Variants in GRB10 observed in about 807,000 individuals in gnomAD.
GRB10 encodes growth factor receptor-bound protein 10.
GRB10 carries 20 observed loss-of-function variants against 80.9 expected under a neutral mutation model. The ratio of observed to expected loss-of-function variants is 0.25; its 90% CI spans 0.17 to 0.36. The LOEUF is 0.36. Ranked by LOEUF, GRB10 falls within the 10% of genes least tolerant of loss-of-function variation. The pLI, the probability that GRB10 is intolerant of heterozygous loss-of-function variation, is 1.00. For synonymous variants in GRB10, 291 were observed against 291.5 expected (o/e 1.00, Z 0.02); for missense variants, 548 against 747.7 (o/e 0.73, Z 3.12).
intron 2 of GRB10, among the ~76,000 whole-genome samples, chr7:50,776,518 G>A (rs1223420149): frequency 6.6e-6 from 1 of 152,144 alleles, no homozygotes; most frequent in African/African-American, 2.4e-5. Context: ...ATAGTGCCCA[G>A]CCTCTGCTTC....
chr7:50,673,981 A>C (rs2060627704), intron 6 of GRB10, among the ~76,000 whole-genome samples: 1 of 152,112 alleles, frequency 6.6e-6, no homozygotes, highest in Non-Finnish European at 1.5e-5. Flanking sequence ...CTACCCCTGA[A>C]TTAGCAGAGG....
chr7:50,606,481 C>T, intron 13 of GRB10, 67 bp from the exon 14 acceptor site: 1 of 1,140,122 alleles, frequency 8.8e-7, no homozygotes, highest in Non-Finnish European at 1.3e-6. Flanking sequence ...TGACAAACGC[C>T]ACAGCAGGAA....
intron 4 of GRB10, among the ~76,000 whole-genome samples, chr7:50,710,530 T>C (rs546437298): frequency 5.3e-5 from 8 of 152,258 alleles, no homozygotes; most frequent in South Asian, 2.1e-4. Context: ...ATGTTGTTCA[T>C]TGGGCGATTC....
chr7:50,792,721 C>A, intron 1 of GRB10: 1 of 334,106 alleles, frequency 3.0e-6, no homozygotes, highest in Non-Finnish European at 5.4e-6. Context: ...GTCCCGGACG[C>A]CCGGACGCCC....
intron 3 of GRB10, among the ~76,000 whole-genome samples, chr7:50,733,727 G>A (rs537092885): frequency 4.6e-5 from 7 of 152,304 alleles, no homozygotes; most frequent in Non-Finnish European, 7.4e-5. Flanking sequence ...GCCTGTCCTC[G>A]GGGTAGCTGG....
chr7:50,756,200 C>A (rs1252145776), intron 2 of GRB10, 144 bp from the exon 3 acceptor site: 1 of 396,892 alleles, frequency 2.5e-6, no homozygotes, highest in South Asian at 1.4e-4. Flanking sequence ...TTCTGAAGAA[C>A]AAAACAAGGA....
chr7:50,753,695 C>T (rs1562618631), intron 3 of GRB10, among the ~76,000 whole-genome samples: 2 of 152,200 alleles, frequency 1.3e-5, no homozygotes, highest in Admixed American at 6.5e-5. Context: ...GCTCTGTAAG[C>T]TGCCAGTGAT....
At chr7:50,643,047 C>A (rs2056562574) in intron 7 of GRB10, among the ~76,000 whole-genome samples, 1 of 152,134 alleles carries the variant, frequency 6.6e-6, no homozygotes, top group African/African-American at 2.4e-5. Flanking sequence ...CCTTGGACAA[C>A]ACAGGTTTGA....
At chr7:50,693,376 ACTAGAAAGGAAAG>A (rs1226140705) in intron 5 of GRB10, among the ~76,000 whole-genome samples, 1 of 152,184 alleles carries the variant, frequency 6.6e-6, no homozygotes, top group African/African-American at 2.4e-5. Context: ...TTCCCCTGTT[ACTAGAAAGGAAAG>A]CATTGCACCA....
chr7:50,741,389 G>C (rs1430931735), intron 3 of GRB10, among the ~76,000 whole-genome samples: 1 of 151,938 alleles, frequency 6.6e-6, no homozygotes, highest in African/African-American at 2.4e-5. Context: ...GCAGAACACG[G>C]CCCCAAGGAA....
At chr7:50,665,449 G>C (rs970063942) in intron 7 of GRB10, among the ~76,000 whole-genome samples, 1 of 152,252 alleles carries the variant, frequency 6.6e-6, no homozygotes, top group African/African-American at 2.4e-5. Flanking sequence ...ACACCAGTGA[G>C]GGCCCATGAG....
intron 10 of GRB10, 139 bp downstream of exon 10, chr7:50,617,927 CAACCA>C: frequency 1.3e-6 from 1 of 758,712 alleles, no homozygotes; most frequent in Non-Finnish European, 2.3e-6. Context: ...ACCCTCCCCC[CAACCA>C]CCCCTCCGGC....
Position 50,669,279 on chromosome 7 carries a change from G to C in GRB10, c.504+443C>G, listed in dbSNP as rs79325374. Among the ~76,000 whole-genome samples the C allele has an allele frequency of 3.9e-3, 590 of 152,294 alleles. 4 individuals are homozygous for C. The highest frequency in any genetic ancestry group is 0.014 in the African/African-American group (565 of 41,564). Reference sequence around the variant, plus strand: ...GCAGCCTGTACAAGAATCATGGTGCGGGCATGTGCTCGGCTTCTGATGAGG... The same window carrying C: ...GCAGCCTGTACAAGAATCATGGTGCCGGCATGTGCTCGGCTTCTGATGAGG... On this transcript the variant is annotated intron_variant, in intron 7 of 18. Coordinates refer to ENST00000401949, the MANE Select transcript of GRB10 (RefSeq NM_001350814.2).
Position 50,782,717 on chromosome 7 carries a change from G to A in GRB10, c.-620C>T, listed in dbSNP as rs1240461273. 1.3e-5 allele frequency: 2 copies of A among 151,942 alleles called. No homozygotes were observed. The highest frequency in any genetic ancestry group is 2.4e-5 in the African/African-American group (1 of 41,420). 9.4% of individuals were successfully genotyped at this position (151,942 alleles called of 1,614,324 possible). A position where few individuals can be genotyped will look rare whatever the true frequency, so the allele number is the denominator to read the frequency against. ...GCCATCCGGGCGAGGGTGGGATGCCGCGCCACCGCCCGAGCGTGCCCGGGG... is the reference window on the plus strand; with the variant it reads ...GCCATCCGGGCGAGGGTGGGATGCCACGCCACCGCCCGAGCGTGCCCGGGG... On this transcript the variant is annotated 5_prime_UTR_variant, in exon 1 of 19. Transcript: ENST00000401949. This position sits in a 1 kb window ranked among gnomAD's most constrained non-coding sequence, Gnocchi z 6.6.
intron 2 of GRB10, among the ~76,000 whole-genome samples, chr7:50,778,305 T>A (rs534937984): frequency 6.6e-6 from 1 of 152,206 alleles, no homozygotes; most frequent in Admixed American, 6.5e-5. Flanking sequence ...TCCTGTAGTA[T>A]CTAAAACCTT....
chr7:50,784,194 A>G (rs2078589885), upstream of GRB10, among the ~76,000 whole-genome samples: 1 of 152,248 alleles, frequency 6.6e-6, no homozygotes, highest in Admixed American at 6.5e-5. Context: ...CATAGTGAAC[A>G]TCGCAAGGCA....
chr7:50,757,141 G>A (rs2075195783), intron 2 of GRB10, among the ~76,000 whole-genome samples: 2 of 152,196 alleles, frequency 1.3e-5, no homozygotes, highest in Admixed American at 1.3e-4. Flanking sequence ...CGCTGAACAT[G>A]CTTGCTAAAA....
intron 13 of GRB10, among the ~76,000 whole-genome samples, chr7:50,608,532 C>T (rs1176689949): frequency 6.6e-6 from 1 of 152,152 alleles, no homozygotes; most frequent in Non-Finnish European, 1.5e-5. Context: ...AAAACAATAA[C>T]ATTATGTCTT....
chr7:50,606,662 T>G (rs2048589180), intron 13 of GRB10: 1 of 541,326 alleles, frequency 1.8e-6, no homozygotes, highest in African/African-American at 1.9e-5. Context: ...TGGCCTACTG[T>G]TGACCAGAAG....
Sources: gnomAD v4.1 joint callset for allele counts (sites outside exome capture counted in the v4.1 genomes callset) on GRCh38, gnomAD v4.1.1 for gene constraint, Gnocchi (gnomAD v3.1) non-coding constraint, MANE v1.5 for transcripts, NCBI Gene and HGNC (gene_info 2026-07-23, HGNC 2026-07-21) for gene names.